ADGRV1: variants seen among roughly 807,000 people sequenced by gnomAD.
The protein encoded by ADGRV1 is G-protein coupled receptor 98.
Under a neutral mutation model 596.2 loss-of-function variants are expected in ADGRV1, and 359 were observed. That is an observed-to-expected ratio of 0.60 (90% CI 0.55 to 0.66). The LOEUF (loss-of-function observed/expected upper bound fraction) is 0.66, where lower values mean the gene tolerates loss of function less well. Ranked by LOEUF, ADGRV1 falls within the 30% of genes least tolerant of loss-of-function variation. ADGRV1 has a pLI of 0.00. For missense variants in ADGRV1, 7,274 were observed against 7,575.6 expected, an observed-to-expected ratio of 0.96 and a Z score of 1.48; for synonymous variants, 2,681 against 2,679.2, an observed-to-expected ratio of 1.00 and a Z score of -0.02.
chr5:90,978,332 C>T (rs1303368566), intron 84 of ADGRV1, among the ~76,000 whole-genome samples: 1 of 130,502 alleles, frequency 7.7e-6, no homozygotes, highest in African/African-American at 3.1e-5. Flanking sequence ...ATATTTGTTT[C>T]ATTCTTCCCC....
At position 90,756,550 on chromosome 5, in the gene ADGRV1, A is replaced by G; in HGVS notation, c.11677A>G (p.Arg3893Gly). The G allele has an allele frequency of 6.2e-7, 1 of 1,613,506 alleles. No individual in the cohort carries two copies. The highest frequency in any genetic ancestry group is 8.5e-7 in the Non-Finnish European group (1 of 1,179,490). Residue 3893 changes from arginine (R) to glycine (G), a missense_variant, in exon 56 of 90, where the codon AGG becomes GGG. By Grantham distance (125) the Arg-to-Gly change is moderately radical (BLOSUM62 -2). Coordinates refer to ENST00000405460, the MANE Select transcript of ADGRV1 (RefSeq NM_032119.4). Reference protein sequence around the residue: ...DFSTGQPSVRRPGMEIAEIMI... With the variant: ...DFSTGQPSVRGPGMEIAEIMI... The stretch of plus-strand genomic sequence containing the variant: ...CTCTACAGGACAGCCAAGTGTGCGG[A>G]GGCCCGGAATGGAAATAGCTGAGAT...
chr5:90,945,847 G>T (rs1253124499), intron 83 of ADGRV1, among the ~76,000 whole-genome samples: 4 of 152,034 alleles, frequency 2.6e-5, no homozygotes, highest in African/African-American at 9.7e-5. Flanking sequence ...ACATGGTGGT[G>T]TGTGCCTGTA....
At chr5:91,053,024 C>G (rs1581909485) in intron 85 of ADGRV1, among the ~76,000 whole-genome samples, 1 of 152,138 alleles carries the variant, frequency 6.6e-6, no homozygotes, top group African/African-American at 2.4e-5. Flanking sequence ...TATTTTACCT[C>G]TACTACACTT....
chr5:91,041,850 T>C (rs1214702284), intron 85 of ADGRV1, among the ~76,000 whole-genome samples: 1 of 152,162 alleles, frequency 6.6e-6, no homozygotes, highest in Non-Finnish European at 1.5e-5. Context: ...GCCATTTTCA[T>C]GATGCTTTAA....
chr5:90,766,215 CA>C (rs1757129004), intron 59 of ADGRV1, among the ~76,000 whole-genome samples: 4 of 152,214 alleles, frequency 2.6e-5, no homozygotes, highest in African/African-American at 9.6e-5. Flanking sequence ...GATCTATAGT[CA>C]AATTTTTAAG....
intron 85 of ADGRV1, among the ~76,000 whole-genome samples, chr5:91,008,719 A>C (rs1294739619): frequency 1.3e-5 from 2 of 151,912 alleles, no homozygotes; most frequent in African/African-American, 4.8e-5. Flanking sequence ...GAGGCGGGTC[A>C]CAAACTCCTG....
At chr5:90,886,781 A>C (rs149327596) in intron 83 of ADGRV1, among the ~76,000 whole-genome samples, 212 of 152,290 alleles carry the variant, frequency 1.4e-3, no homozygotes, top group African/African-American at 4.4e-3. Flanking sequence ...GCCATCATTC[A>C]CAGAGTTTCT....
At chr5:91,022,300 C>G (rs1562101743) in intron 85 of ADGRV1, among the ~76,000 whole-genome samples, 1 of 151,850 alleles carries the variant, frequency 6.6e-6, no homozygotes, top group Non-Finnish European at 1.5e-5. Context: ...ACTGAGTAAA[C>G]CTAGTATTTG....
chr5:91,061,627 T>C (rs931621116), intron 85 of ADGRV1, among the ~76,000 whole-genome samples: 1 of 152,222 alleles, frequency 6.6e-6, no homozygotes, highest in Non-Finnish European at 1.5e-5. Flanking sequence ...TGAAATAATA[T>C]TGCTGTAATG....
intron 82 of ADGRV1, among the ~76,000 whole-genome samples, chr5:90,856,511 T>G (rs1482428956): frequency 1.3e-5 from 2 of 152,220 alleles, no homozygotes; most frequent in Non-Finnish European, 2.9e-5. Context: ...TATTATTTGC[T>G]GTATTAATTA....
At chr5:90,632,356 T>C (rs1322741117) in intron 9 of ADGRV1, among the ~76,000 whole-genome samples, 2 of 152,216 alleles carry the variant, frequency 1.3e-5, no homozygotes, top group East Asian at 3.8e-4. Flanking sequence ...TGCAGAAATG[T>C]TGTTTTGGAG....
intron 55 of ADGRV1, among the ~76,000 whole-genome samples, chr5:90,755,925 G>C (rs1239933960): frequency 6.6e-6 from 1 of 150,642 alleles, no homozygotes; most frequent in Admixed American, 6.6e-5. Context: ...ATCTCCTGAA[G>C]AGTATAATTT....
chr5:91,149,105 A>C (rs906153380), intron 87 of ADGRV1, among the ~76,000 whole-genome samples: 1 of 152,248 alleles, frequency 6.6e-6, no homozygotes. Context: ...GCCTTGTCCC[A>C]GATGAGACTT....
At chr5:91,101,661 A>G (rs1338698990) in intron 86 of ADGRV1, among the ~76,000 whole-genome samples, 2 of 152,164 alleles carry the variant, frequency 1.3e-5, no homozygotes, top group African/African-American at 4.8e-5. Flanking sequence ...GTGTAGAATA[A>G]GTTTAGTTGA....
At chr5:90,903,257 C>A (rs1043446229) in intron 83 of ADGRV1, among the ~76,000 whole-genome samples, 2 of 151,910 alleles carry the variant, frequency 1.3e-5, no homozygotes, top group African/African-American at 4.8e-5. Context: ...TAACATTCTT[C>A]CGGTATTCAT....
chr5:90,698,573 A>G (rs1207422454), intron 34 of ADGRV1, among the ~76,000 whole-genome samples: 1 of 152,156 alleles, frequency 6.6e-6, no homozygotes, highest in Non-Finnish European at 1.5e-5. Flanking sequence ...TTGAGTTGGA[A>G]GCATAATGAA....
chr5:91,064,157 A>G (rs575011958), intron 85 of ADGRV1, among the ~76,000 whole-genome samples: 1 of 152,316 alleles, frequency 6.6e-6, no homozygotes, highest in East Asian at 1.9e-4. Flanking sequence ...TAAATCAATA[A>G]GCATTTCTTA....
chr5:90,564,110 T>A (rs1423130261), intron 1 of ADGRV1, among the ~76,000 whole-genome samples: 2 of 152,216 alleles, frequency 1.3e-5, no homozygotes, highest in Admixed American at 1.3e-4. Context: ...TAGAAAGAAG[T>A]GTTTTAGATA....
At position 91,113,928 on chromosome 5, in the gene ADGRV1, G is replaced by GA. The variant is rs901733531; in HGVS notation, c.18432+11596dup. On this transcript the variant is annotated intron_variant, in intron 87 of 89. Transcript: ENST00000405460. ...AGCGAGACTGCATCTCAAAAAAAGA[G>GA]AAAAAAAATGCCAGGTGCAGTGGCT... 5.6e-5 allele frequency among the ~76,000 whole-genome samples: 8 copies of GA among 143,722 alleles called. No individual in the cohort carries two copies. The East Asian group carries it at 8.5e-4, about 15-fold the overall frequency. The allele number at this position is 143,722 out of a possible 152,430, so 94.3% of individuals were successfully genotyped here.
Sources: allele counts gnomAD v4.1 joint callset (sites outside exome capture counted in the v4.1 genomes callset), GRCh38; gene constraint gnomAD v4.1.1; transcripts MANE v1.5; gene names NCBI Gene and HGNC (gene_info 2026-07-23, HGNC 2026-07-21).